The following ZC3H12B variants were observed in gnomAD, a reference collection of about 807,000 sequenced individuals.
ZC3H12B encodes the protein zinc finger CCCH-type containing 12B, also known as probable ribonuclease ZC3H12B.
In ZC3H12B, 7 loss-of-function variants were observed where a neutral mutation model predicts 43.9. The ratio of observed to expected loss-of-function variants is 0.16; its 90% CI spans 0.09 to 0.30. The LOEUF is 0.30. ZC3H12B is among the 10% of genes least tolerant of loss of function. The pLI is 1.00. For synonymous variants in ZC3H12B, 222 were observed against 241.7 expected, an observed-to-expected ratio of 0.92 and a Z score of 0.76; for missense variants, 475 against 670.2, an observed-to-expected ratio of 0.71 and a Z score of 3.22.
chrX:65,469,835 G>T (rs942083473), intron 3 of ZC3H12B, among the ~76,000 whole-genome samples: 1 of 111,624 alleles, frequency 9.0e-6, no homozygotes, highest in African/African-American at 3.3e-5. Context: ...TCTGGGTGTG[G>T]ACACGTGCCT....
the ZC3H12B span, among the ~76,000 whole-genome samples, chrX:65,223,847 G>C: frequency 2.7e-5 from 3 of 112,037 alleles, no homozygotes; most frequent in East Asian, 8.4e-4. Context: ...TGGATATGAT[G>C]ATGAGGGAAT....
At chrX:65,048,771 C>T in the ZC3H12B span, among the ~76,000 whole-genome samples, 1 of 110,932 alleles carries the variant, frequency 9.0e-6, no homozygotes, top group African/African-American at 3.3e-5. Context: ...GAATACAGTG[C>T]ACTACTATTA....
rs770687861 is a variant in ZC3H12B at position 65,438,422 on chromosome X, AG to A, written n.407+39720del. On this transcript the variant is annotated intron_variant and non_coding_transcript_variant, in intron 3 of 5. Transcript: ENST00000617377. ...CAATGTTTTATAGTTTTCACTAAAA[AG>A]GTCCTTCATTTCTTTAACTTTATTC... Among the ~76,000 whole-genome samples the A allele has an allele frequency of 4.5e-5, 5 of 111,637 alleles. No homozygotes were observed. The Admixed American group carries it at 4.8e-4, about 11-fold the overall frequency.
chrX:65,486,547 C>G (rs2068126597), upstream of ZC3H12B, among the ~76,000 whole-genome samples: 1 of 112,383 alleles, frequency 8.9e-6, no homozygotes, highest in Admixed American at 9.5e-5. Context: ...TAGGAAAGAT[C>G]ACCAACATTT....
the ZC3H12B span, among the ~76,000 whole-genome samples, chrX:65,162,868 C>A: frequency 8.9e-6 from 1 of 112,017 alleles, no homozygotes; most frequent in Non-Finnish European, 1.9e-5. Context: ...TCCAGTTTTT[C>A]TGCTCTGTTT....
At chrX:65,173,114 T>G in the ZC3H12B span, among the ~76,000 whole-genome samples, 13 of 111,843 alleles carry the variant, frequency 1.2e-4, no homozygotes, top group Admixed American at 8.6e-4. Flanking sequence ...AGATTTGTAG[T>G]TCTCTTTGAA....
At chrX:65,345,234 G>A in the ZC3H12B span, among the ~76,000 whole-genome samples, 1,003 of 111,974 alleles carry the variant, frequency 9.0e-3, 3 homozygotes, top group Middle Eastern at 0.046. Flanking sequence ...GTATCATAAA[G>A]ACACATGCAT....
the ZC3H12B span, among the ~76,000 whole-genome samples, chrX:65,055,804 G>A: frequency 9.0e-6 from 1 of 111,116 alleles, no homozygotes; most frequent in African/African-American, 3.3e-5. Flanking sequence ...ATTCTTCCTG[G>A]TTTAGTCTTG....
the ZC3H12B span, among the ~76,000 whole-genome samples, chrX:65,182,937 T>A: frequency 8.9e-6 from 1 of 111,764 alleles, no homozygotes. Flanking sequence ...GCTGGCTAGG[T>A]TGTGAAAAAA....
the ZC3H12B span, among the ~76,000 whole-genome samples, chrX:65,084,833 ATAAC>A: frequency 3.5e-5 from 4 of 112,934 alleles, no homozygotes; most frequent in South Asian, 3.6e-4. Context: ...ATTTTGCACA[ATAAC>A]TAAGAGTTGG....
intron 2 of ZC3H12B, among the ~76,000 whole-genome samples, chrX:65,396,695 A>G (rs1221328784): frequency 9.1e-6 from 1 of 109,733 alleles, no homozygotes; most frequent in Non-Finnish European, 1.9e-5. Flanking sequence ...TGGGGTGGAG[A>G]GTTCTGTAGA....
the ZC3H12B span, among the ~76,000 whole-genome samples, chrX:65,083,172 A>G: frequency 2.6e-4 from 29 of 111,098 alleles, no homozygotes; most frequent in African/African-American, 8.5e-4. Context: ...ATGGGGAAAA[A>G]CTGAAAGCTT....
chrX:65,159,564 G>A, the ZC3H12B span, among the ~76,000 whole-genome samples: 43 of 111,529 alleles, frequency 3.9e-4, no homozygotes, highest in Admixed American at 3.6e-3. Context: ...TTGGCTCTCT[G>A]TCTGTTATTG....
chrX:65,422,547 T>A (rs184612599), intron 3 of ZC3H12B, among the ~76,000 whole-genome samples: 62 of 111,573 alleles, frequency 5.6e-4, no homozygotes, highest in Non-Finnish European at 1.0e-3. Context: ...TATTTTTTTT[T>A]TTATTATACT....
At chrX:65,315,799 C>A in the ZC3H12B span, among the ~76,000 whole-genome samples, 1 of 111,899 alleles carries the variant, frequency 8.9e-6, no homozygotes, top group East Asian at 2.8e-4. Flanking sequence ...AGTTCTACAG[C>A]AATGGCTCTT....
upstream of ZC3H12B, among the ~76,000 whole-genome samples, chrX:65,363,420 C>A (rs896641802): frequency 1.2e-4 from 13 of 111,884 alleles, no homozygotes; most frequent in African/African-American, 4.2e-4. Context: ...CCTTCCTGGG[C>A]ATGGTTGGAT....
the ZC3H12B span, among the ~76,000 whole-genome samples, chrX:65,283,285 G>A: frequency 8.9e-6 from 1 of 111,796 alleles, no homozygotes; most frequent in Non-Finnish European, 1.9e-5. Context: ...CCTTCATGCT[G>A]AAAACTCTCA....
chrX:65,187,315 G>C, the ZC3H12B span: 1 of 110,087 alleles, frequency 9.1e-6, no homozygotes, highest in East Asian at 2.9e-4. Context: ...TCTGGCTCAG[G>C]TTCTATGGGT....
chrX:65,312,521 A>AC, the ZC3H12B span, among the ~76,000 whole-genome samples: 4 of 111,603 alleles, frequency 3.6e-5, no homozygotes, highest in African/African-American at 1.3e-4. Context: ...GGAGCCAAAA[A>AC]AAAAAATGGG....
Sources: allele counts gnomAD v4.1 joint callset (sites outside exome capture counted in the v4.1 genomes callset), GRCh38; gene constraint gnomAD v4.1.1; transcripts MANE v1.5; gene names NCBI Gene and HGNC (gene_info 2026-07-23, HGNC 2026-07-21).